CAMKMT: variants seen among roughly 807,000 people sequenced by gnomAD.
CAMKMT encodes the protein CaM KMT.
CAMKMT carries 53 observed loss-of-function variants against 48.0 expected under a neutral mutation model. The observed-to-expected ratio is 1.10, with a 90% confidence interval of 0.89 to 1.39. The LOEUF (loss-of-function observed/expected upper bound fraction) is 1.39, where lower values mean the gene tolerates loss of function less well. Among genes scored for constraint, CAMKMT ranks in the 40% most tolerant of loss-of-function variants. The pLI, the probability that CAMKMT is intolerant of heterozygous loss-of-function variation, is 0.00. For synonymous variants in CAMKMT, 165 were observed against 152.3 expected, an observed-to-expected ratio of 1.08 and a Z score of -0.61; for missense variants, 428 against 402.7, an observed-to-expected ratio of 1.06 and a Z score of -0.54.
In CAMKMT at chr2:44,618,214, TC is replaced by T. The variant is rs2103922020; in HGVS notation, c.377-86068del. Among the ~76,000 whole-genome samples the T allele has an allele frequency of 6.6e-6, 1 of 152,338 alleles. No homozygotes were observed. Among genetic ancestry groups the T allele is most frequent in the East Asian group, 1.9e-4 (1 of 5,190 alleles). On this transcript the variant is annotated intron_variant, in intron 3 of 10. Coordinates refer to ENST00000378494, the MANE Select transcript of CAMKMT (RefSeq NM_024766.5). This position sits in a 1 kb window ranked among gnomAD's most constrained non-coding sequence, Gnocchi z 4.0. ...GATCAAAGAGGTTTTGTTGGGTAGC[TC>T]TCAGATTATTGAGTGACAAACTTTA...
At chr2:44,460,075 A>C (rs1667771742) in intron 3 of CAMKMT, among the ~76,000 whole-genome samples, 1 of 152,202 alleles carries the variant, frequency 6.6e-6, no homozygotes, top group Non-Finnish European at 1.5e-5. Flanking sequence ...TGTGATTCCT[A>C]ATATGCGAAA....
At chr2:44,536,202 T>C (rs571524888) in intron 3 of CAMKMT, among the ~76,000 whole-genome samples, 19 of 152,274 alleles carry the variant, frequency 1.2e-4, no homozygotes, top group African/African-American at 4.6e-4. Context: ...TGAAAGAAAT[T>C]GAACAGAACA....
intron 3 of CAMKMT, among the ~76,000 whole-genome samples, chr2:44,504,451 A>ATG (rs1670160483): frequency 6.6e-6 from 1 of 151,428 alleles, no homozygotes; most frequent in Non-Finnish European, 1.5e-5. Flanking sequence ...TGATTCCATA[A>ATG]AAGTGAATAT....
intron 3 of CAMKMT, chr2:44,457,215 C>T (rs545853535): frequency 6.6e-6 from 1 of 152,170 alleles, no homozygotes; most frequent in East Asian, 1.9e-4. Context: ...GAGTTATTTT[C>T]TGCATACAAA....
intron 3 of CAMKMT, among the ~76,000 whole-genome samples, chr2:44,648,824 C>T (rs564094395): frequency 6.6e-6 from 1 of 152,322 alleles, no homozygotes; most frequent in South Asian, 2.1e-4. Flanking sequence ...CTCCCCTAGA[C>T]TACCCCAAAT....
intron 3 of CAMKMT, among the ~76,000 whole-genome samples, chr2:44,506,401 G>A (rs1670263851): frequency 1.3e-5 from 2 of 152,120 alleles, no homozygotes; most frequent in Non-Finnish European, 2.9e-5. Flanking sequence ...TTCCTTGCAT[G>A]TGAGACAGTT....
At chr2:44,629,731 C>T (rs542622764) in intron 3 of CAMKMT, among the ~76,000 whole-genome samples, 2 of 152,124 alleles carry the variant, frequency 1.3e-5, no homozygotes, top group Admixed American at 1.3e-4. Flanking sequence ...AACCACTGCT[C>T]AATGAAATAA....
chr2:44,394,472 G>T (rs1572742763), intron 3 of CAMKMT, among the ~76,000 whole-genome samples: 1 of 151,822 alleles, frequency 6.6e-6, no homozygotes, highest in Middle Eastern at 3.4e-3. Context: ...TTGTCCCCCA[G>T]GCTAGAGTGC....
chr2:44,634,814 C>CAAAAAAAAAAAA (rs1553429753), intron 3 of CAMKMT, among the ~76,000 whole-genome samples: 1 of 60,662 alleles, frequency 1.6e-5, no homozygotes. Flanking sequence ...AAAAAAAAAG[C>CAAAAAAAAAAAA]ATTCTAGTCA....
intron 3 of CAMKMT, among the ~76,000 whole-genome samples, chr2:44,564,740 A>T (rs929931510): frequency 2.0e-5 from 3 of 152,046 alleles, no homozygotes; most frequent in Non-Finnish European, 2.9e-5. Flanking sequence ...GGGTTTTACC[A>T]TGTTGGCCAG....
intron 3 of CAMKMT, among the ~76,000 whole-genome samples, chr2:44,654,656 A>T (rs1674270943): frequency 6.6e-6 from 1 of 151,978 alleles, no homozygotes; most frequent in Non-Finnish European, 1.5e-5. Context: ...GGGACTACAG[A>T]CGTGTGTCAC....
At chr2:44,380,528 T>C (rs912254815) in intron 2 of CAMKMT, among the ~76,000 whole-genome samples, 4 of 152,040 alleles carry the variant, frequency 2.6e-5, no homozygotes, top group African/African-American at 9.7e-5. Context: ...GCTTGTAGAC[T>C]TGACGCTTGA....
At chr2:44,387,499 G>A (rs1023244834) in intron 2 of CAMKMT, among the ~76,000 whole-genome samples, 2 of 152,168 alleles carry the variant, frequency 1.3e-5, no homozygotes, top group African/African-American at 4.8e-5. Context: ...GAGCGTTTAG[G>A]CTATTTACAT....
chr2:44,506,102 C>T (rs947973261), intron 3 of CAMKMT, among the ~76,000 whole-genome samples: 5 of 152,084 alleles, frequency 3.3e-5, no homozygotes, highest in African/African-American at 9.7e-5. Context: ...GCAGTTCATT[C>T]CACCGTGGCC....
chr2:44,637,821 C>G (rs1673217364), intron 3 of CAMKMT, among the ~76,000 whole-genome samples: 1 of 152,052 alleles, frequency 6.6e-6, no homozygotes, highest in South Asian at 2.1e-4. Context: ...AATCCCAACA[C>G]TTTGGGAGGT....
rs1204841918 is a variant in CAMKMT, at chr2:44,401,124, T to C, written c.376+10819T>C. The C allele has an allele frequency of 3.3e-5, 5 of 152,180 alleles. No homozygotes were observed. The East Asian group carries it at 9.6e-4, about 29-fold the overall frequency. 9.4% of individuals were successfully genotyped at this position (152,180 alleles called of 1,614,324 possible). A position where few individuals can be genotyped will look rare whatever the true frequency, so the allele number is the denominator to read the frequency against. ...GATTTATCAACTTTGAAGTACAAAG[T>C]AGTAAAACATTCTTTCTACACATGT... is the stretch of plus-strand genomic sequence containing the variant. On this transcript the variant is annotated intron_variant, in intron 3 of 10. Coordinates refer to ENST00000378494, the MANE Select transcript of CAMKMT (RefSeq NM_024766.5).
chr2:44,457,560 G>A (rs761840308), intron 3 of CAMKMT, among the ~76,000 whole-genome samples: 42 of 151,780 alleles, frequency 2.8e-4, no homozygotes, highest in African/African-American at 9.2e-4. Flanking sequence ...CACCACGCCC[G>A]GCTAATTTTT....
intron 3 of CAMKMT, among the ~76,000 whole-genome samples, chr2:44,543,688 T>G (rs1194440074): frequency 6.6e-6 from 1 of 152,202 alleles, no homozygotes; most frequent in Non-Finnish European, 1.5e-5. Flanking sequence ...GCAAGGATTT[T>G]CAGGAAAGCT....
intron 3 of CAMKMT, among the ~76,000 whole-genome samples, chr2:44,531,358 A>T (rs546564794): frequency 1.3e-5 from 2 of 152,216 alleles, no homozygotes; most frequent in Admixed American, 6.5e-5. Context: ...GTCCTCTTTA[A>T]TATACTGTGG....
Sources: gnomAD v4.1 joint callset for allele counts (sites outside exome capture counted in the v4.1 genomes callset) on GRCh38, gnomAD v4.1.1 for gene constraint, Gnocchi (gnomAD v3.1) non-coding constraint, MANE v1.5 for transcripts, NCBI Gene and HGNC (gene_info 2026-07-23, HGNC 2026-07-21) for gene names.